Variants in GRIN3A observed in about 807,000 individuals in gnomAD.
GRIN3A encodes glutamate receptor ionotropic, NMDA 3A.
GRIN3A carries 47 observed loss-of-function variants against 92.4 expected under a neutral mutation model. The observed-to-expected ratio is 0.51, with a 90% CI of 0.40 to 0.65. The LOEUF (loss-of-function observed/expected upper bound fraction) is 0.65, where lower values mean the gene tolerates loss of function less well. Among genes scored for constraint, GRIN3A ranks in the 30% least tolerant of loss-of-function variants. GRIN3A has a pLI of 0.00. For missense variants in GRIN3A, 1,324 were observed against 1,393.1 expected (o/e 0.95, Z 0.79); for synonymous variants, 527 against 540.6 (o/e 0.97, Z 0.35).
Position 101,670,908 on chromosome 9 carries a change from T to C in GRIN3A, c.1504A>G (p.Arg502Gly), listed in dbSNP as rs1829308797. 6.2e-7 allele frequency: 1 copy of C among 1,612,828 alleles called. No individual in the cohort carries two copies. Among genetic ancestry groups the C allele is most frequent in the Non-Finnish European group, 8.5e-7 (1 of 1,179,068 alleles). Residue 502 changes from arginine to glycine, a missense_variant, in exon 3 of 9, where the codon AGA becomes GGA. By Grantham distance (125) the Arg-to-Gly change is moderately radical. Transcript: ENST00000361820. ...DYGIWPEQAQRHKTHFQHPSK... is the reference protein window; with the variant it reads ...DYGIWPEQAQGHKTHFQHPSK... ...GGATGTTGGAAGTGGGTTTTGTGTCTCTGGGCCTGCTCTGGCCATATTCCA... is the reference window on the plus strand; with the variant it reads ...GGATGTTGGAAGTGGGTTTTGTGTCCCTGGGCCTGCTCTGGCCATATTCCA...
In GRIN3A at chr9:101,572,261, C is replaced by CA. The variant is rs1827771236; in HGVS notation, c.*912dup. Reference sequence around the variant, plus strand: ...GTGTAGAACATTTCACCCACAGTGTCACATATTCCATTATAGGCAATAAGG... The same window carrying CA: ...GTGTAGAACATTTCACCCACAGTGTCAACATATTCCATTATAGGCAATAAGG... On this transcript the variant is annotated 3_prime_UTR_variant, in exon 9 of 9. Transcript: ENST00000361820. 6.6e-6 allele frequency: 1 copy of CA among 152,626 alleles called. No homozygotes were observed. Among genetic ancestry groups the CA allele is most frequent in the African/African-American group, 2.4e-5 (1 of 41,444 alleles). The allele number at this position is 152,626 out of a possible 1,614,324, so 9.5% of individuals were successfully genotyped here.
intron 6 of GRIN3A, among the ~76,000 whole-genome samples, chr9:101,612,792 G>T (rs1447308744): frequency 1.3e-5 from 2 of 152,282 alleles, no homozygotes; most frequent in South Asian, 2.1e-4. Context: ...CTGATTATTT[G>T]TGTGCCTTAG....
chr9:101,629,704 C>T (rs537342512), intron 3 of GRIN3A, among the ~76,000 whole-genome samples: 10 of 152,240 alleles, frequency 6.6e-5, no homozygotes, highest in Admixed American at 2.6e-4. Flanking sequence ...ACTTATTATG[C>T]GCCAAACAAG....
rs1328991270 is a variant in GRIN3A at position 101,572,268 on chromosome 9, T to A, written c.*906A>T. 1 of 152,612 alleles carries A rather than the reference T, an allele frequency of 6.6e-6. No individual in the cohort carries two copies. The highest frequency in any genetic ancestry group is 1.5e-5 in the Non-Finnish European group (1 of 68,038). 9.5% of individuals were successfully genotyped at this position (152,612 alleles called of 1,614,324 possible). A position where few individuals can be genotyped will look rare whatever the true frequency, so the allele number is the denominator to read the frequency against. On this transcript the variant is annotated 3_prime_UTR_variant, in exon 9 of 9. Transcript: ENST00000361820. Reference sequence around the variant, plus strand: ...ACATTTCACCCACAGTGTCACATATTCCATTATAGGCAATAAGGGATATTC... The same window carrying A: ...ACATTTCACCCACAGTGTCACATATACCATTATAGGCAATAAGGGATATTC...
chr9:101,725,948 C>A (rs186223473), intron 1 of GRIN3A, among the ~76,000 whole-genome samples: 1 of 152,140 alleles, frequency 6.6e-6, no homozygotes, highest in Non-Finnish European at 1.5e-5. Context: ...TTCTCCATTG[C>A]ACTTGTCTCT....
chr9:101,605,440 GTTACTT>G (rs1828267497), intron 6 of GRIN3A, among the ~76,000 whole-genome samples: 1 of 152,114 alleles, frequency 6.6e-6, no homozygotes, highest in Admixed American at 6.5e-5. Flanking sequence ...TGATACCATG[GTTACTT>G]TTACTTTTGC....
intron 5 of GRIN3A, among the ~76,000 whole-genome samples, chr9:101,618,804 C>T (rs1828507007): frequency 6.6e-6 from 1 of 152,104 alleles, no homozygotes; most frequent in African/African-American, 2.4e-5. Context: ...TTCAAATTTG[C>T]TAGTGTTCAT....
intron 3 of GRIN3A, among the ~76,000 whole-genome samples, chr9:101,644,205 C>G (rs1219949336): frequency 6.6e-6 from 1 of 151,638 alleles, no homozygotes; most frequent in Non-Finnish European, 1.5e-5. Context: ...AACTCCAAAT[C>G]AACTCTTCAT....
intron 4 of GRIN3A, among the ~76,000 whole-genome samples, chr9:101,626,328 G>C (rs757164590): frequency 6.6e-6 from 1 of 152,182 alleles, no homozygotes; most frequent in Non-Finnish European, 1.5e-5. Context: ...CCCTGAGAGA[G>C]CAGAATTAAG....
At chr9:101,594,680 T>C in intron 6 of GRIN3A, 1 of 1,614,190 alleles carries the variant, frequency 6.2e-7, no homozygotes, top group Non-Finnish European at 8.5e-7. Context: ...GACGCTGAAC[T>C]GGGAGGTCCC....
chr9:101,659,045 C>A (rs1014355853), intron 3 of GRIN3A, among the ~76,000 whole-genome samples: 1 of 151,752 alleles, frequency 6.6e-6, no homozygotes. Flanking sequence ...AGCTAAAATA[C>A]GTATATTTTA....
In GRIN3A at chr9:101,573,446, T is replaced by G; in HGVS notation, c.3076A>C (p.Lys1026Gln). 1.2e-6 allele frequency: 2 copies of G among 1,614,070 alleles called. No homozygotes were observed. The highest frequency in any genetic ancestry group is 1.7e-6 in the Non-Finnish European group (2 of 1,179,978). ...TSNLSHDNRRKYIFSDEEGQN... is the reference protein window; with the variant it reads ...TSNLSHDNRRQYIFSDEEGQN... ...CCTTCCTCATCACTAAAGATGTATT[T>G]CCGTCGGTTGTCATGACTCAGATTG... The change falls in exon 9 of 9, where the codon AAA becomes CAA. Residue 1026 changes from lysine (K) to glutamine (Q), a missense_variant. By Grantham distance (53) the Lys-to-Gln change is moderately conservative. Transcript: ENST00000361820.
chr9:101,689,105 T>G (rs1168305947), intron 1 of GRIN3A, among the ~76,000 whole-genome samples: 1 of 152,150 alleles, frequency 6.6e-6, no homozygotes, highest in African/African-American at 2.4e-5. Flanking sequence ...TTTAGCTTTC[T>G]TCCTTTCCTT....
intron 1 of GRIN3A, among the ~76,000 whole-genome samples, chr9:101,696,299 A>G (rs1343673269): frequency 6.6e-6 from 1 of 152,236 alleles, no homozygotes; most frequent in Admixed American, 6.5e-5. Flanking sequence ...AGAAGACATA[A>G]TGCATTTGCT....
At chr9:101,641,196 A>C (rs1420801973) in intron 3 of GRIN3A, among the ~76,000 whole-genome samples, 1 of 152,202 alleles carries the variant, frequency 6.6e-6, no homozygotes, top group East Asian at 1.9e-4. Flanking sequence ...TGGGACTGTA[A>C]ACTAGTTCAA....
chr9:101,609,998 C>T (rs568848982), intron 6 of GRIN3A, among the ~76,000 whole-genome samples: 1 of 152,340 alleles, frequency 6.6e-6, no homozygotes, highest in African/African-American at 2.4e-5. Context: ...TGCACCCAGC[C>T]TTGTCTTGCT....
rs562766313 is a variant in GRIN3A, at chr9:101,671,243, T to G, written c.1305-136A>C. On this transcript the variant is annotated intron_variant, in intron 2 of 8. Transcript: ENST00000361820. Reference sequence around the variant, plus strand: ...TTAAAAAGACAGTGCCTATAATTTCTTCAAATGTTAATAAGCTGGACTCAT... The same window carrying G: ...TTAAAAAGACAGTGCCTATAATTTCGTCAAATGTTAATAAGCTGGACTCAT... 2.0e-5 allele frequency: 14 copies of G among 714,036 alleles called. No homozygotes were observed. In the African/African-American group the frequency reaches 2.3e-4, roughly 12 times the overall value. The allele number at this position is 714,036 out of a possible 1,614,324, so 44.2% of individuals were successfully genotyped here.
At position 101,720,096 on chromosome 9, in the gene GRIN3A, G is replaced by A. The variant is rs550389824; in HGVS notation, c.699+17185C>T. Reference sequence around the variant, plus strand: ...TTTTCCTCCCCTTCCAGCTGCTGCTGACCATTTAGAAGTTACAGTTTGACT... The same window carrying A: ...TTTTCCTCCCCTTCCAGCTGCTGCTAACCATTTAGAAGTTACAGTTTGACT... On this transcript the variant is annotated intron_variant, in intron 1 of 8. Coordinates refer to ENST00000361820, the MANE Select transcript of GRIN3A (RefSeq NM_133445.3). Among the ~76,000 whole-genome samples the A allele has an allele frequency of 5.3e-5, 8 of 152,248 alleles. No individual in the cohort carries two copies. In the South Asian group the frequency reaches 1.7e-3, roughly 32 times the overall value.
In GRIN3A at chr9:101,594,806, C is replaced by G. The variant is rs760800259; in HGVS notation, c.2767-15446G>C. The stretch of plus-strand genomic sequence containing the variant: ...CGGCAGGGACATGAACTCCTCCACG[C>G]TCAGAGACCCTGATTTGTCCAAGTC... On this transcript the variant is annotated intron_variant, in intron 6 of 8. Coordinates refer to ENST00000361820, the MANE Select transcript of GRIN3A (RefSeq NM_133445.3). 3.1e-6 allele frequency: 5 copies of G among 1,612,544 alleles called. No homozygotes were observed. In the African/African-American group the frequency reaches 6.7e-5, roughly 22 times the overall value.
Sources: gnomAD v4.1 joint callset for allele counts (sites outside exome capture counted in the v4.1 genomes callset) on GRCh38, gnomAD v4.1.1 for gene constraint, MANE v1.5 for transcripts, NCBI Gene and HGNC (gene_info 2026-07-23, HGNC 2026-07-21) for gene names.